The following GTF2IRD1 variants were observed in gnomAD, a reference collection of about 807,000 sequenced individuals.
The protein encoded by GTF2IRD1 is general transcription factor II-I repeat domain-containing protein 1.
Under a neutral mutation model 113.2 loss-of-function variants are expected in GTF2IRD1, and 26 were observed. That is an observed-to-expected ratio of 0.23 (90% CI 0.17 to 0.32). The LOEUF is 0.32. GTF2IRD1 is among the 10% of genes least tolerant of loss of function. The pLI, the probability that GTF2IRD1 is intolerant of heterozygous loss-of-function variation, is 1.00. For synonymous variants in GTF2IRD1, 484 were observed against 529.1 expected (o/e 0.91, Z 1.17); for missense variants, 864 against 1,280.8 (o/e 0.67, Z 4.97).
At chr7:74,479,489 T>A (rs995117968) in intron 1 of GTF2IRD1, among the ~76,000 whole-genome samples, 2 of 152,136 alleles carry the variant, frequency 1.3e-5, no homozygotes, top group African/African-American at 4.8e-5. Context: ...TCAGCATTTA[T>A]TTCTAGGGGA....
At chr7:74,590,357 A>G (rs1389335985) in intron 23 of GTF2IRD1, among the ~76,000 whole-genome samples, 1 of 151,048 alleles carries the variant, frequency 6.6e-6, no homozygotes, top group Non-Finnish European at 1.5e-5. Flanking sequence ...CCAGGATTAC[A>G]GGTGTGAGCC....
At chr7:74,515,365 G>T in intron 3 of GTF2IRD1, 76 bp from the exon 4 acceptor site, 2 of 1,542,406 alleles carry the variant, frequency 1.3e-6, no homozygotes, top group Non-Finnish European at 1.7e-6. Flanking sequence ...TCAGCACAGG[G>T]CAGCGACATC....
At chr7:74,542,104 AAAAC>A (rs1296503919) in intron 14 of GTF2IRD1, among the ~76,000 whole-genome samples, 6 of 151,244 alleles carry the variant, frequency 4.0e-5, no homozygotes, top group Non-Finnish European at 7.4e-5. Flanking sequence ...TCAAAAAAAA[AAAAC>A]AAAAATAGGC....
At chr7:74,482,743 C>T (rs1415005022) in intron 1 of GTF2IRD1, among the ~76,000 whole-genome samples, 1 of 152,070 alleles carries the variant, frequency 6.6e-6, no homozygotes, top group Middle Eastern at 3.2e-3. Flanking sequence ...TCCTTTTGAA[C>T]CTTACATAAA....
intron 22 of GTF2IRD1, among the ~76,000 whole-genome samples, chr7:74,572,900 G>A (rs1800776842): frequency 6.6e-6 from 1 of 152,142 alleles, no homozygotes; most frequent in Non-Finnish European, 1.5e-5. Context: ...AGGCCTTTGT[G>A]GGCAGACGAG....
chr7:74,545,640 T>G, intron 15 of GTF2IRD1, 104 bp from the exon 16 acceptor site: 1 of 558,236 alleles, frequency 1.8e-6, no homozygotes, highest in South Asian at 1.5e-5. Context: ...CCTTCCCCCA[T>G]TCCAAGATCC....
At chr7:74,483,857 T>TAA (rs1386341070) in intron 1 of GTF2IRD1, among the ~76,000 whole-genome samples, 5 of 147,414 alleles carry the variant, frequency 3.4e-5, no homozygotes, top group African/African-American at 9.9e-5. Flanking sequence ...TCTGTCTCTT[T>TAA]AAAAAAAAAA....
At chr7:74,479,530 C>A (rs1401982443) in intron 1 of GTF2IRD1, among the ~76,000 whole-genome samples, 1 of 152,060 alleles carries the variant, frequency 6.6e-6, no homozygotes, top group Non-Finnish European at 1.5e-5. Flanking sequence ...AGGGAAGGCG[C>A]CTCCCTTGTA....
chr7:74,580,435 C>T (rs1247540975), intron 22 of GTF2IRD1, among the ~76,000 whole-genome samples: 2 of 152,122 alleles, frequency 1.3e-5, no homozygotes, highest in African/African-American at 4.8e-5. Context: ...TCTAACTAGG[C>T]GGGGAGAGTC....
At chr7:74,494,728 A>G (rs1423759849) in intron 1 of GTF2IRD1, among the ~76,000 whole-genome samples, 1 of 151,992 alleles carries the variant, frequency 6.6e-6, no homozygotes, top group Non-Finnish European at 1.5e-5. Context: ...TTTCTATTTA[A>G]AAAAAACAAA....
chr7:74,550,685 A>T (rs1799256263), intron 17 of GTF2IRD1, among the ~76,000 whole-genome samples: 1 of 151,834 alleles, frequency 6.6e-6, no homozygotes, highest in Non-Finnish European at 1.5e-5. Flanking sequence ...AGATAGGAGG[A>T]TCGCTTGAGC....
intron 1 of GTF2IRD1, among the ~76,000 whole-genome samples, chr7:74,461,475 G>A (rs1416134839): frequency 6.6e-5 from 10 of 152,092 alleles, no homozygotes; most frequent in Non-Finnish European, 1.2e-4. Flanking sequence ...CTGTTGTTAC[G>A]CCAGCCAGTG....
chr7:74,456,849 G>A (rs1305504083), intron 1 of GTF2IRD1, among the ~76,000 whole-genome samples: 1 of 152,000 alleles, frequency 6.6e-6, no homozygotes, highest in African/African-American at 2.4e-5. Context: ...CCTGGCTAGG[G>A]TAGGGGGTCA....
chr7:74,462,672 C>T (rs1584448017), intron 1 of GTF2IRD1, among the ~76,000 whole-genome samples: 1 of 152,186 alleles, frequency 6.6e-6, no homozygotes, highest in East Asian at 1.9e-4. Context: ...CACAAAGGCA[C>T]CATCTGGCTG....
rs587648093 is a variant in GTF2IRD1, at chr7:74,576,402, A to G, written c.2321-13449A>G. Among the ~76,000 whole-genome samples the G allele has an allele frequency of 2.0e-5, 3 of 150,918 alleles. No individual in the cohort carries two copies. The South Asian group carries it at 6.3e-4, about 32-fold the overall frequency. ...GTGGTAAAACCCCATCTCTACTAAA[A>G]ATACAAAAATTAGCCAGGTGTGGTG... On this transcript the variant is annotated intron_variant, in intron 22 of 26. Transcript: ENST00000424337.
intron 1 of GTF2IRD1, chr7:74,507,119 C>T (rs1329274141): frequency 6.6e-6 from 1 of 152,200 alleles, no homozygotes; most frequent in Non-Finnish European, 1.5e-5. Context: ...ATCACCGGCT[C>T]CTGACCCAGC....
At chr7:74,554,790 G>A (rs1341493204) in intron 17 of GTF2IRD1, among the ~76,000 whole-genome samples, 4 of 152,026 alleles carry the variant, frequency 2.6e-5, no homozygotes, top group Admixed American at 1.3e-4. Context: ...TGCCCTCCTC[G>A]GCCTCCCAAA....
At chr7:74,581,561 G>A (rs587704369) in intron 22 of GTF2IRD1, among the ~76,000 whole-genome samples, 14 of 152,310 alleles carry the variant, frequency 9.2e-5, no homozygotes, top group African/African-American at 2.9e-4. Context: ...AAAGGTGACC[G>A]GGCATGCTGG....
At chr7:74,500,155 G>A (rs879972299) in intron 1 of GTF2IRD1, among the ~76,000 whole-genome samples, 16 of 152,180 alleles carry the variant, frequency 1.1e-4, no homozygotes, top group Middle Eastern at 3.2e-3. Context: ...GCTCACAGGC[G>A]ACCCATCAAG....
Sources: allele counts gnomAD v4.1 joint callset (sites outside exome capture counted in the v4.1 genomes callset), GRCh38; gene constraint gnomAD v4.1.1; transcripts MANE v1.5; gene names NCBI Gene and HGNC (gene_info 2026-07-23, HGNC 2026-07-21).